Variants in EBF1 observed in about 807,000 individuals in gnomAD.
EBF1 encodes EBF transcription factor 1.
Under a neutral mutation model 68.4 loss-of-function variants are expected in EBF1, and 10 were observed. The observed-to-expected ratio is 0.15, with a 90% CI of 0.09 to 0.25. The LOEUF (loss-of-function observed/expected upper bound fraction) is 0.25. Among genes scored for constraint, EBF1 ranks in the 10% least tolerant of loss-of-function variants. EBF1 has a pLI of 1.00. For missense variants in EBF1, 509 were observed against 794.4 expected, an observed-to-expected ratio of 0.64 and a Z score of 4.32; for synonymous variants, 298 against 299.8, an observed-to-expected ratio of 0.99 and a Z score of 0.06.
At chr5:158,870,733 A>G (rs1396801764) in intron 6 of EBF1, among the ~76,000 whole-genome samples, 3 of 152,168 alleles carry the variant, frequency 2.0e-5, no homozygotes, top group African/African-American at 7.2e-5. Flanking sequence ...CTAGCCCACA[A>G]CCACATAGCA....
At chr5:158,960,694 G>T (rs1031871086) in intron 6 of EBF1, among the ~76,000 whole-genome samples, 2 of 152,164 alleles carry the variant, frequency 1.3e-5, no homozygotes, top group African/African-American at 4.8e-5. Flanking sequence ...TTAACAAATA[G>T]AAGAAGACAA....
intron 8 of EBF1, among the ~76,000 whole-genome samples, chr5:158,804,684 T>C (rs940204195): frequency 6.6e-6 from 1 of 152,154 alleles, no homozygotes; most frequent in African/African-American, 2.4e-5. Flanking sequence ...GCAAAAATTG[T>C]TTGTTAACTA....
At chr5:158,748,511 G>A (rs535505310) in intron 10 of EBF1, among the ~76,000 whole-genome samples, 14 of 152,212 alleles carry the variant, frequency 9.2e-5, no homozygotes, top group Admixed American at 5.2e-4. Context: ...AACTATCTTC[G>A]GATTCACAAA....
chr5:158,989,756 T>C (rs1466950065), intron 6 of EBF1, among the ~76,000 whole-genome samples: 1 of 152,206 alleles, frequency 6.6e-6, no homozygotes, highest in Non-Finnish European at 1.5e-5. Context: ...TGTTCATTCA[T>C]TCAAGACATA....
At chr5:158,714,044 C>G (rs900172183) in intron 12 of EBF1, 73 bp downstream of exon 12, 9 of 1,505,188 alleles carry the variant, frequency 6.0e-6, no homozygotes, top group Non-Finnish European at 7.4e-6. Context: ...TGTGCTTTCT[C>G]ATTACGATGA....
At chr5:159,027,479 T>C (rs978248348) in intron 6 of EBF1, among the ~76,000 whole-genome samples, 3 of 152,234 alleles carry the variant, frequency 2.0e-5, no homozygotes, top group African/African-American at 7.2e-5. Flanking sequence ...CATTATTTTC[T>C]GTCTTTCTTT....
At chr5:158,921,807 C>A (rs1313528630) in intron 6 of EBF1, among the ~76,000 whole-genome samples, 1 of 152,202 alleles carries the variant, frequency 6.6e-6, no homozygotes, top group African/African-American at 2.4e-5. Context: ...CAAAGTTAAC[C>A]CTCTCCCTTA....
intron 6 of EBF1, among the ~76,000 whole-genome samples, chr5:158,992,224 G>GGA (rs202016528): frequency 1.4e-5 from 2 of 139,340 alleles, no homozygotes; most frequent in African/African-American, 2.7e-5. Context: ...CCTTGTAAGG[G>GGA]AAAAAAAAAA....
intron 6 of EBF1, among the ~76,000 whole-genome samples, chr5:159,065,936 T>C (rs1776725088): frequency 1.3e-5 from 2 of 152,218 alleles, no homozygotes; most frequent in South Asian, 4.2e-4. Context: ...CCTTTATATT[T>C]CATGAGGAGC....
At chr5:159,076,708 T>C (rs1221719620) in intron 5 of EBF1, among the ~76,000 whole-genome samples, 1 of 152,196 alleles carries the variant, frequency 6.6e-6, no homozygotes, top group Non-Finnish European at 1.5e-5. Flanking sequence ...CATCACATAG[T>C]CATTATTCCT....
chr5:158,895,314 C>T (rs1446234623), intron 6 of EBF1, among the ~76,000 whole-genome samples: 1 of 152,084 alleles, frequency 6.6e-6, no homozygotes, highest in East Asian at 1.9e-4. Context: ...ATTGCTTGAG[C>T]CTAGGAATTT....
intron 9 of EBF1, among the ~76,000 whole-genome samples, chr5:158,785,890 G>T (rs1334771871): frequency 6.6e-6 from 1 of 152,108 alleles, no homozygotes; most frequent in South Asian, 2.1e-4. Context: ...CCTATTCATT[G>T]TCCGTGTCCC....
chr5:158,759,354 C>G (rs1309599706), intron 10 of EBF1, among the ~76,000 whole-genome samples: 1 of 152,118 alleles, frequency 6.6e-6, no homozygotes, highest in Non-Finnish European at 1.5e-5. Flanking sequence ...AAGGGAGAGA[C>G]AGATATTACA....
At chr5:159,035,972 C>A (rs1464059904) in intron 6 of EBF1, among the ~76,000 whole-genome samples, 3 of 152,192 alleles carry the variant, frequency 2.0e-5, no homozygotes, top group Non-Finnish European at 4.4e-5. Flanking sequence ...CCTTTCCTGA[C>A]CCCCAGTGGT....
At chr5:158,959,901 C>T (rs1335241371) in intron 6 of EBF1, among the ~76,000 whole-genome samples, 1 of 152,094 alleles carries the variant, frequency 6.6e-6, no homozygotes, top group African/African-American at 2.4e-5. Context: ...GAGAATCAAA[C>T]TAGATCGACC....
In EBF1 at chr5:159,018,440, T is replaced by A. The variant is rs199920701; in HGVS notation, c.554+54956A>T. Among the ~76,000 whole-genome samples the A allele has an allele frequency of 3.5e-4, 54 of 152,370 alleles. 1 individual carries two copies. The East Asian group carries it at 6.9e-3, about 20-fold the overall frequency. On this transcript the variant is annotated intron_variant, in intron 6 of 15. Coordinates refer to ENST00000313708, the MANE Select transcript of EBF1 (RefSeq NM_024007.5). The stretch of plus-strand genomic sequence containing the variant: ...GCATTAACATCTATATACAAAGGTC[T>A]GATCACCAGCCTATTTACATTTTGG...
chr5:158,708,245 T>C (rs978086819), intron 14 of EBF1, 72 bp from the exon 15 acceptor site: 1 of 1,467,156 alleles, frequency 6.8e-7, no homozygotes, highest in African/African-American at 1.4e-5. Flanking sequence ...CTCAGATCCA[T>C]CCCTCACCCA....
chr5:158,709,937 T>TAAC (rs1758799292), intron 14 of EBF1, among the ~76,000 whole-genome samples: 3 of 152,020 alleles, frequency 2.0e-5, no homozygotes, highest in Non-Finnish European at 2.9e-5. Flanking sequence ...GGTGGGGAGT[T>TAAC]TTGGGGTGGG....
intron 10 of EBF1, among the ~76,000 whole-genome samples, chr5:158,740,461 A>T (rs947870562): frequency 2.6e-5 from 4 of 152,266 alleles, no homozygotes; most frequent in Non-Finnish European, 4.4e-5. Context: ...GCAGACGGTC[A>T]GACTGGAAAG....
Sources: allele counts gnomAD v4.1 joint callset (sites outside exome capture counted in the v4.1 genomes callset), GRCh38; gene constraint gnomAD v4.1.1; transcripts MANE v1.5; gene names NCBI Gene and HGNC (gene_info 2026-07-23, HGNC 2026-07-21).